Variants in CACYBP observed in about 807,000 individuals in gnomAD.
CACYBP encodes calcyclin-binding protein.
CACYBP carries 11 observed loss-of-function variants against 29.6 expected under a neutral mutation model. The ratio of observed to expected loss-of-function variants is 0.37; its 90% CI spans 0.23 to 0.61. The LOEUF (loss-of-function observed/expected upper bound fraction) is 0.61. Among genes scored for constraint, CACYBP ranks in the 20% least tolerant of loss-of-function variants. The pLI is 0.65. For missense variants in CACYBP, 163 were observed against 260.7 expected (o/e 0.63, Z 2.58); for synonymous variants, 73 against 88.3 (o/e 0.83, Z 0.97).
chr1:175,002,796 G>C (rs375654259), intron 1 of CACYBP, among the ~76,000 whole-genome samples: 59 of 152,270 alleles, frequency 3.9e-4, no homozygotes, highest in African/African-American at 1.2e-3. Context: ...AAGAGGGCTT[G>C]GGAATTCAGC....
At chr1:175,002,142 C>T (rs1672507502) in intron 1 of CACYBP, among the ~76,000 whole-genome samples, 1 of 152,100 alleles carries the variant, frequency 6.6e-6, no homozygotes, top group Non-Finnish European at 1.5e-5. Context: ...GGGTATATAC[C>T]TAGGAGTGGA....
intron 2 of CACYBP, among the ~76,000 whole-genome samples, chr1:175,005,944 A>C (rs1408236258): frequency 6.6e-6 from 1 of 152,082 alleles, no homozygotes; most frequent in Non-Finnish European, 1.5e-5. Flanking sequence ...GGTACATGAG[A>C]TGTTTGATAT....
At chr1:175,008,780 T>G (rs1240804058) in intron 5 of CACYBP, 74 bp downstream of exon 5, 1 of 782,796 alleles carries the variant, frequency 1.3e-6, no homozygotes, top group Non-Finnish European at 2.3e-6. Flanking sequence ...AGTTTGTCTT[T>G]ATGGATAATG....
At chr1:175,007,882 C>T (rs929113516) in intron 4 of CACYBP, among the ~76,000 whole-genome samples, 1 of 152,130 alleles carries the variant, frequency 6.6e-6, no homozygotes, top group Non-Finnish European at 1.5e-5. Flanking sequence ...CTGTTTTCTG[C>T]CTAATGTGAA....
chr1:175,000,133 C>G lies in CACYBP; in HGVS notation c.-48C>G. 4.4e-6 allele frequency: 7 copies of G among 1,586,900 alleles called. No individual in the cohort carries two copies. The highest frequency in any genetic ancestry group is 6.0e-6 in the Non-Finnish European group (7 of 1,166,164). On this transcript the variant is annotated 5_prime_UTR_variant, in exon 1 of 6. Transcript: ENST00000367679. Reference sequence around the variant, plus strand: ...GGGCTCGGCGCGGGGTTTCCTGTTCCTCCTTCTGCGCGGCTGCAGCTCGGG... The same window carrying G: ...GGGCTCGGCGCGGGGTTTCCTGTTCGTCCTTCTGCGCGGCTGCAGCTCGGG...
chr1:175,007,037 T>A, intron 3 of CACYBP, 61 bp from the exon 4 acceptor site: 1 of 1,209,290 alleles, frequency 8.3e-7, no homozygotes, highest in Non-Finnish European at 1.2e-6. Context: ...CCACAAGAAC[T>A]ATGGAGTAAG....
At chr1:175,004,189 T>C (rs1003973020) in intron 1 of CACYBP, among the ~76,000 whole-genome samples, 2 of 152,208 alleles carry the variant, frequency 1.3e-5, no homozygotes, top group African/African-American at 4.8e-5. Context: ...CATTTTACCA[T>C]GGTCACTGCA....
intron 1 of CACYBP, among the ~76,000 whole-genome samples, chr1:175,002,808 AT>A (rs1672524976): frequency 6.6e-6 from 1 of 152,220 alleles, no homozygotes; most frequent in African/African-American, 2.4e-5. Flanking sequence ...GAATTCAGCC[AT>A]TGGGGGAATC....
At chr1:175,007,254 T>C in intron 4 of CACYBP, 57 bp downstream of exon 4, 1 of 1,043,888 alleles carries the variant, frequency 9.6e-7, no homozygotes, top group Non-Finnish European at 1.5e-6. Context: ...TGAACCTGGC[T>C]GATTTAGAAC....
chr1:175,003,037 GTT>G (rs1393698074), intron 1 of CACYBP, among the ~76,000 whole-genome samples: 4 of 151,750 alleles, frequency 2.6e-5, no homozygotes, highest in Non-Finnish European at 5.9e-5. Flanking sequence ...CAAAAGATGA[GTT>G]TGCAAGATTT....
In CACYBP at chr1:175,004,751, A is replaced by T; in HGVS notation, c.153A>T (p.Lys51Asn). 6.2e-7 allele frequency: 1 copy of T among 1,614,008 alleles called. No homozygotes were observed. Among genetic ancestry groups the T allele is most frequent in the East Asian group, 2.2e-5 (1 of 44,876 alleles). ...KNKMQQKSQK[K>N]AELLDNEKPA... The stretch of plus-strand genomic sequence containing the variant: ...AGATGCAACAGAAATCACAGAAGAA[A>T]GCAGAACTTCTTGATAATGAAAAAC... The change falls in exon 2 of 6, where the codon AAA becomes AAT. Residue 51 changes from lysine to asparagine, a missense_variant. Physicochemically the swap from Lys to Asn is moderately conservative, Grantham distance 94. Coordinates refer to ENST00000367679, the MANE Select transcript of CACYBP (RefSeq NM_014412.3).
Position 175,008,741 on chromosome 1 carries a change from T to C in CACYBP, c.530+35T>C, listed in dbSNP as rs757847038. The C allele has an allele frequency of 1.1e-5, 11 of 981,922 alleles. 1 individual carries two copies. In the South Asian group the frequency reaches 1.2e-4, roughly 10 times the overall value. 60.8% of individuals were successfully genotyped at this position (981,922 alleles called of 1,614,324 possible). On this transcript the variant is annotated intron_variant, in intron 5 of 5. Coordinates refer to ENST00000367679, the MANE Select transcript of CACYBP (RefSeq NM_014412.3). ...CTTCCATTTTTTTAAAGAATTTTAG[T>C]GTATTGTTTGAGATCATGGATTTTT...
chr1:175,004,559 A>G, intron 1 of CACYBP, 55 bp from the exon 2 acceptor site: 7 of 1,062,546 alleles, frequency 6.6e-6, no homozygotes, highest in South Asian at 1.6e-5. Context: ...GATACGCACA[A>G]TATCAAGCCA....
At chr1:175,004,888 G>A (rs772016256) in intron 2 of CACYBP, 55 bp downstream of exon 2, 4 of 1,114,926 alleles carry the variant, frequency 3.6e-6, no homozygotes, top group Non-Finnish European at 5.5e-6. Context: ...ATTCCTCATA[G>A]TGGTCTAACA....
chr1:175,005,778 T>C (rs1672606486), intron 2 of CACYBP, among the ~76,000 whole-genome samples: 1 of 152,222 alleles, frequency 6.6e-6, no homozygotes, highest in African/African-American at 2.4e-5. Context: ...CATAGATTTG[T>C]GTTGAGGGAG....
At chr1:175,007,824 T>C (rs1442678453) in intron 4 of CACYBP, among the ~76,000 whole-genome samples, 3 of 152,248 alleles carry the variant, frequency 2.0e-5, no homozygotes, top group Non-Finnish European at 2.9e-5. Context: ...ATAAGGAAAC[T>C]GTCTTTTAAA....
At chr1:175,006,556 G>A in intron 2 of CACYBP, 189 bp from the exon 3 acceptor site, 1 of 446,840 alleles carries the variant, frequency 2.2e-6, no homozygotes, top group Non-Finnish European at 4.0e-6. Context: ...CTAGCTTTGG[G>A]TAGAGTACTT....
chr1:175,007,842 CTT>C (rs1351880218), intron 4 of CACYBP, among the ~76,000 whole-genome samples: 1 of 152,130 alleles, frequency 6.6e-6, no homozygotes, highest in Admixed American at 6.5e-5. Context: ...AAAAACTACT[CTT>C]TGTAATTTTT....
At chr1:175,001,843 A>T (rs1317093719) in intron 1 of CACYBP, among the ~76,000 whole-genome samples, 1 of 152,148 alleles carries the variant, frequency 6.6e-6, no homozygotes, top group Admixed American at 6.5e-5. Context: ...CCGGGTTCAA[A>T]GGATTCTCCT....
Sources: allele counts gnomAD v4.1 joint callset (sites outside exome capture counted in the v4.1 genomes callset), GRCh38; gene constraint gnomAD v4.1.1; transcripts MANE v1.5; gene names NCBI Gene and HGNC (gene_info 2026-07-23, HGNC 2026-07-21).